The following BRAF variants were observed in gnomAD, a reference collection of about 807,000 sequenced individuals.
The protein encoded by BRAF is B-Raf proto-oncogene, serine/threonine kinase.
Under a neutral mutation model 104.6 loss-of-function variants are expected in BRAF, and 16 were observed. That is an observed-to-expected ratio of 0.15 (90% confidence interval 0.10 to 0.23). The LOEUF (loss-of-function observed/expected upper bound fraction) is 0.23, where lower values mean the gene tolerates loss of function less well. Ranked by LOEUF, BRAF falls within the 10% of genes least tolerant of loss-of-function variation. BRAF has a pLI of 1.00. For missense variants in BRAF, 541 were observed against 937.3 expected, an observed-to-expected ratio of 0.58 and a Z score of 5.52; for synonymous variants, 310 against 341.6, an observed-to-expected ratio of 0.91 and a Z score of 1.02.
intron 1 of BRAF, among the ~76,000 whole-genome samples, chr7:140,902,572 G>C (rs1815772558): frequency 6.6e-6 from 1 of 152,230 alleles, no homozygotes; most frequent in Non-Finnish European, 1.5e-5. Flanking sequence ...CAGCCAGATT[G>C]TAAATGCAAA....
At chr7:140,834,904 G>A (rs71645947) in intron 2 of BRAF, 32 bp from the exon 3 acceptor site, 392 of 1,612,772 alleles carry the variant, frequency 2.4e-4, no homozygotes, top group Non-Finnish European at 3.2e-4. Context: ...TATTCAATCC[G>A]GACTTTGTCC....
chr7:140,894,988 GA>G (rs1814715582), intron 1 of BRAF, among the ~76,000 whole-genome samples: 1 of 152,050 alleles, frequency 6.6e-6, no homozygotes, highest in South Asian at 2.1e-4. Context: ...TCTAGAAAAC[GA>G]ATCAGCTCTT....
At chr7:140,761,143 G>T (rs886852273) in intron 14 of BRAF, among the ~76,000 whole-genome samples, 2 of 152,136 alleles carry the variant, frequency 1.3e-5, no homozygotes, top group African/African-American at 2.4e-5. Flanking sequence ...AGACAGAAAG[G>T]TCGGGTTACC....
At chr7:140,837,430 C>T (rs1807461884) in intron 2 of BRAF, among the ~76,000 whole-genome samples, 1 of 152,148 alleles carries the variant, frequency 6.6e-6, no homozygotes, top group African/African-American at 2.4e-5. Flanking sequence ...TAAGATTTGG[C>T]CATTGTTGTC....
intron 17 of BRAF, 54 bp from the exon 17 acceptor site, chr7:140,740,000 T>C: frequency 6.5e-7 from 1 of 1,547,628 alleles, no homozygotes; most frequent in South Asian, 1.1e-5. Flanking sequence ...AGTTGAAAAA[T>C]ATACTTCACA....
intron 3 of BRAF, among the ~76,000 whole-genome samples, chr7:140,819,810 G>A (rs1022651020): frequency 6.6e-6 from 1 of 152,126 alleles, no homozygotes; most frequent in Non-Finnish European, 1.5e-5. Context: ...GCAAATGGGT[G>A]GTTACATAGG....
At chr7:140,907,479 T>C (rs145769324) in intron 1 of BRAF, among the ~76,000 whole-genome samples, 2,305 of 152,320 alleles carry the variant, frequency 0.015, 28 homozygotes, top group Middle Eastern at 0.034. Flanking sequence ...GCCAGGATGG[T>C]CTCAATCTCC....
At chr7:140,849,821 T>A (rs998540131) in intron 2 of BRAF, among the ~76,000 whole-genome samples, 172 of 135,926 alleles carry the variant, frequency 1.3e-3, no homozygotes, top group African/African-American at 3.9e-3. Flanking sequence ...CAAAAAAAAA[T>A]AAATAAATAA....
In BRAF at chr7:140,723,996, T is replaced by C. The variant is rs951568930; in HGVS notation, c.*2498A>G. The C allele has an allele frequency of 3.8e-6, 4 of 1,041,176 alleles. No homozygotes were observed. In the Admixed American group the frequency reaches 2.2e-4, roughly 58 times the overall value. The allele number at this position is 1,041,176 out of a possible 1,614,324, so 64.5% of individuals were successfully genotyped here. A position where few individuals can be genotyped will look rare whatever the true frequency, so the allele number is the denominator to read the frequency against. On this transcript the variant is annotated 3_prime_UTR_variant, in exon 20 of 20. Transcript: ENST00000644969. The stretch of plus-strand genomic sequence containing the variant: ...CATAGAAAAAGGAAGAAAAGAGAGG[T>C]TTAAATATTTTATTTTTTAAGGTAT...
intron 2 of BRAF, among the ~76,000 whole-genome samples, chr7:140,837,842 A>T (rs1244727839): frequency 6.6e-6 from 1 of 152,240 alleles, no homozygotes; most frequent in African/African-American, 2.4e-5. Flanking sequence ...GATCAAAGTC[A>T]TCAAATGAAA....
At chr7:140,733,419 T>A (rs1796135306) in intron 19 of BRAF, 1 of 152,208 alleles carries the variant, frequency 6.6e-6, no homozygotes, top group Non-Finnish European at 1.5e-5. Flanking sequence ...GATGGCCAAA[T>A]CTTTGATAGG....
chr7:140,742,315 C>T (rs1399818716), intron 17 of BRAF, among the ~76,000 whole-genome samples: 1 of 152,016 alleles, frequency 6.6e-6, no homozygotes, highest in Non-Finnish European at 1.5e-5. Context: ...CCTCAGCCTC[C>T]CAAGTAGCTG....
chr7:140,777,470 T>A (rs1212167534), intron 13 of BRAF, among the ~76,000 whole-genome samples: 1 of 152,188 alleles, frequency 6.6e-6, no homozygotes, highest in African/African-American at 2.4e-5. Flanking sequence ...CCTGGTCTGC[T>A]CTCTGGAATA....
At position 140,771,750 on chromosome 7, in the gene BRAF, G is replaced by A. The variant is rs1799863914; in HGVS notation, c.1814+5162C>T. ...CTATAGACTATATCTGGCTTGGTCA[G>A]TCCTTTGTGAGATGATGCTGGTCAG... On this transcript the variant is annotated intron_variant, in intron 14 of 19. Coordinates refer to ENST00000644969, the MANE Select transcript of BRAF (RefSeq NM_001374258.1). Among the ~76,000 whole-genome samples, 3 of 152,156 alleles carry A rather than the reference G, an allele frequency of 2.0e-5. No homozygotes were observed. In the South Asian group the frequency reaches 6.2e-4, roughly 32 times the overall value.
chr7:140,759,715 C>A (rs1259295095), intron 14 of BRAF, among the ~76,000 whole-genome samples: 1 of 152,154 alleles, frequency 6.6e-6, no homozygotes, highest in African/African-American at 2.4e-5. Context: ...ATGACTTGTC[C>A]AACCACGAAA....
In BRAF at chr7:140,723,466, G is replaced by A; in HGVS notation, c.*3028C>T. 1 of 1,053,728 alleles carries A rather than the reference G, an allele frequency of 9.5e-7. No individual in the cohort carries two copies. The highest frequency in any genetic ancestry group is 1.1e-6 in the Non-Finnish European group (1 of 872,566). The allele number at this position is 1,053,728 out of a possible 1,614,324, so 65.3% of individuals were successfully genotyped here. ...ATACAATCAGGGGTGAGATATTCGG[G>A]AACCAGAATTTGACAGCTAGACAGA... On this transcript the variant is annotated 3_prime_UTR_variant, in exon 20 of 20. Coordinates refer to ENST00000644969, the MANE Select transcript of BRAF (RefSeq NM_001374258.1).
At chr7:140,856,254 G>T (rs1288895124) in intron 1 of BRAF, among the ~76,000 whole-genome samples, 1 of 151,840 alleles carries the variant, frequency 6.6e-6, no homozygotes, top group Non-Finnish European at 1.5e-5. Context: ...GAAAGGTGGG[G>T]TTGGGGGAGG....
At chr7:140,714,007 A>T in the BRAF span, among the ~76,000 whole-genome samples, 16 of 152,186 alleles carry the variant, frequency 1.1e-4, no homozygotes. Flanking sequence ...GTGAGGTGTC[A>T]GTCCGCCCGT....
At chr7:140,877,679 C>T (rs988460827) in intron 1 of BRAF, among the ~76,000 whole-genome samples, 76 of 152,084 alleles carry the variant, frequency 5.0e-4, no homozygotes, top group African/African-American at 1.8e-3. Context: ...ACTACAGACT[C>T]CCCTACACAC....
Sources: gnomAD v4.1 joint callset for allele counts (sites outside exome capture counted in the v4.1 genomes callset) on GRCh38, gnomAD v4.1.1 for gene constraint, MANE v1.5 for transcripts, NCBI Gene and HGNC (gene_info 2026-07-23, HGNC 2026-07-21) for gene names.